RSL24D1: variants seen among roughly 807,000 people sequenced by gnomAD.
RSL24D1 encodes ribosomal L24 domain containing 1, also known as probable ribosome biogenesis protein RLP24.
RSL24D1 carries 6 observed loss-of-function variants against 26.2 expected under a neutral mutation model. That is an observed-to-expected ratio of 0.23 (90% CI 0.13 to 0.45). The LOEUF (loss-of-function observed/expected upper bound fraction) is 0.45, where lower values mean the gene tolerates loss of function less well. RSL24D1 is among the 20% of genes least tolerant of loss of function. The probability of loss-of-function intolerance (pLI) is 0.99; values close to 1 mark genes in which losing one functional copy is unlikely to be tolerated. For synonymous variants in RSL24D1, 61 were observed against 59.1 expected (o/e 1.03, Z -0.15); for missense variants, 176 against 202.6 (o/e 0.87, Z 0.80).
At chr15:55,183,231 A>C in intron 5 of RSL24D1, 84 bp downstream of exon 5, 2 of 904,218 alleles carry the variant, frequency 2.2e-6, no homozygotes, top group Non-Finnish European at 3.4e-6. Flanking sequence ...ATGAAAGATA[A>C]TATTTATAGG....
At chr15:55,196,453 A>G in intron 1 of RSL24D1, 1 of 509,804 alleles carries the variant, frequency 2.0e-6, no homozygotes, top group Non-Finnish European at 3.8e-6. Context: ...CTGACAGGGT[A>G]TACACTCAAC....
rs1282508051 is a variant in RSL24D1, at chr15:55,192,803, TA to T, written c.111del (p.His37GlnfsTer57). On this transcript the variant is annotated frameshift_variant, in exon 2 of 6. Transcript: ENST00000260443. LOFTEE classifies it high-confidence loss of function. Reference sequence around the variant, plus strand: ...GGATTGCGCTTCTTTTTAAAGTTTTTATGACATTTAGATTTGCAAAATCTGA... The same window carrying T: ...GGATTGCGCTTCTTTTTAAAGTTTTTTGACATTTAGATTTGCAAAATCTGA... ...KVFRFCKSKC[H>X]KNFKKKRNPR... 2 of 1,613,812 alleles carry T rather than the reference TA, an allele frequency of 1.2e-6. No individual in the cohort carries two copies. Among genetic ancestry groups the T allele is most frequent in the Non-Finnish European group, 1.7e-6 (2 of 1,179,798 alleles).
At position 55,196,926 on chromosome 15, in the gene RSL24D1, A is replaced by C. The variant is rs1450821415; in HGVS notation, c.-36T>G. On this transcript the variant is annotated 5_prime_UTR_variant, in exon 1 of 6. Transcript: ENST00000260443. ...CGTGTAACCCCACCAAACAAACGCCAAGCTTGAGAGGAAGTGATGCAACCC... is the reference window on the plus strand; with the variant it reads ...CGTGTAACCCCACCAAACAAACGCCCAGCTTGAGAGGAAGTGATGCAACCC... The C allele has an allele frequency of 6.2e-7, 1 of 1,603,952 alleles. No homozygotes were observed. The highest frequency in any genetic ancestry group is 8.5e-7 in the Non-Finnish European group (1 of 1,171,122).
At chr15:55,194,248 T>C (rs927785210) in intron 1 of RSL24D1, 3 of 152,334 alleles carry the variant, frequency 2.0e-5, no homozygotes, top group African/African-American at 7.2e-5. Flanking sequence ...GTGCCTGATG[T>C]TGTACTAGTG....
chr15:55,182,820 A>G (rs1894183270), intron 5 of RSL24D1, among the ~76,000 whole-genome samples: 1 of 152,216 alleles, frequency 6.6e-6, no homozygotes, highest in Non-Finnish European at 1.5e-5. Flanking sequence ...AGTGATCTAC[A>G]TAAGTAAATT....
chr15:55,183,630 C>T (rs1226406394), intron 4 of RSL24D1, among the ~76,000 whole-genome samples: 1 of 152,170 alleles, frequency 6.6e-6, no homozygotes, highest in Non-Finnish European at 1.5e-5. Context: ...TCTCACATTA[C>T]TCCCAAATGG....
chr15:55,188,476 C>T (rs879786290), intron 3 of RSL24D1, among the ~76,000 whole-genome samples: 4 of 152,174 alleles, frequency 2.6e-5, no homozygotes, highest in African/African-American at 9.7e-5. Context: ...GAATGAGACT[C>T]TGTAATAAAA....
At chr15:55,189,325 T>C (rs1595652670) in intron 3 of RSL24D1, among the ~76,000 whole-genome samples, 1 of 152,300 alleles carries the variant, frequency 6.6e-6, no homozygotes, top group African/African-American at 2.4e-5. Context: ...ATAAGTGTTA[T>C]TTCCTTACCA....
rs1405220959 is a variant in RSL24D1, at chr15:55,192,721, A to T, written c.194T>A (p.Val65Glu). 2 of 1,603,442 alleles carry T rather than the reference A, an allele frequency of 1.2e-6. No homozygotes were observed. The highest frequency in any genetic ancestry group is 2.7e-5 in the African/African-American group (2 of 74,722). Residue 65 changes from valine (V) to glutamate (E), a missense_variant and splice_region_variant, in exon 2 of 6, where the codon GTG becomes GAG. Val to Glu is a moderately radical substitution (Grantham distance 121, BLOSUM62 -2). Around this residue, in one of 3 missense-constraint regions of RSL24D1, gnomAD observed 89 missense variants for 135.1 expected, o/e 0.66. Coordinates refer to ENST00000260443, the MANE Select transcript of RSL24D1 (RefSeq NM_016304.3). ...FRKAAGKELT[V>E]DNSFEFEKRR... ...ATATTGATAGCTAACCGTACTCACC[A>T]CTGTAAGCTCTTTACCAGCTGCTTT...
chr15:55,196,594 G>C, intron 1 of RSL24D1: 1 of 597,940 alleles, frequency 1.7e-6, no homozygotes, highest in Non-Finnish European at 3.0e-6. Context: ...GCCACCCAAG[G>C]GTGGCGTGGT....
At chr15:55,183,799 C>T (rs1365810807) in intron 4 of RSL24D1, among the ~76,000 whole-genome samples, 1 of 152,138 alleles carries the variant, frequency 6.6e-6, no homozygotes, top group Non-Finnish European at 1.5e-5. Flanking sequence ...AATAGGATTC[C>T]TACCCTACCA....
intron 3 of RSL24D1, among the ~76,000 whole-genome samples, chr15:55,187,572 GA>G (rs1894237074): frequency 6.6e-6 from 1 of 152,140 alleles, no homozygotes. Context: ...CCAAAAAAAG[GA>G]ATGAAATAAT....
At position 55,182,203 on chromosome 15, in the gene RSL24D1, C is replaced by G; in HGVS notation, c.441G>C (p.Glu147Asp). 1 of 1,606,652 alleles carries G rather than the reference C, an allele frequency of 6.2e-7. No homozygotes were observed. The highest frequency in any genetic ancestry group is 1.7e-4 in the Middle Eastern group (1 of 6,032). The stretch of plus-strand genomic sequence containing the variant: ...CCTCTTGTAACTGCTGTACCATTTT[C>G]TCTTCCAACTGTTTCCCTTTGCCTT... The part of the protein sequence containing the change: ...PLAGKGKQLE[E>D]KMVQQLQEDV... Residue 147 changes from glutamate to aspartate, a missense_variant, in exon 6 of 6, where the codon GAG becomes GAC. Glu to Asp is a conservative substitution (Grantham distance 45). Around this residue, in one of 3 missense-constraint regions of RSL24D1, gnomAD observed 43 missense variants for 38.7 expected, o/e 1.11. Coordinates refer to ENST00000260443, the MANE Select transcript of RSL24D1 (RefSeq NM_016304.3).
chr15:55,196,263 C>T lies in RSL24D1; in HGVS notation c.81+547G>A, dbSNP rs577099213. 1.6e-3 allele frequency: 720 copies of T among 449,948 alleles called. 15 individuals carry two copies. Among genetic ancestry groups the T allele is most frequent in the South Asian group, 0.01 (647 of 63,826 alleles). The allele number at this position is 449,948 out of a possible 1,614,324, so 27.9% of individuals were successfully genotyped here. On this transcript the variant is annotated intron_variant, in intron 1 of 5. Coordinates refer to ENST00000260443, the MANE Select transcript of RSL24D1 (RefSeq NM_016304.3). ...GTTCACTTTCCTTCCACTTAGAAGGCCCCCTCCGCTTTCTTCCGCAAAATT... is the reference window on the plus strand; with the variant it reads ...GTTCACTTTCCTTCCACTTAGAAGGTCCCCTCCGCTTTCTTCCGCAAAATT...
intron 1 of RSL24D1, chr15:55,194,006 CCA>C (rs1894327686): frequency 6.6e-6 from 1 of 152,006 alleles, no homozygotes; most frequent in Admixed American, 6.5e-5. Context: ...CAAAAGCCTC[CCA>C]CATTTAATAT....
Position 55,184,972 on chromosome 15 carries a change from G to A in RSL24D1, c.332+390C>T, listed in dbSNP as rs147505523. Among the ~76,000 whole-genome samples the A allele has an allele frequency of 6.9e-4, 105 of 152,320 alleles. 2 individuals carry two copies. The East Asian group carries it at 0.017, about 25-fold the overall frequency. ...AGATTAAAGGAGCCTGAAGAAATAT[G>A]AAGGACTTTGTGTTGCTATGGACGT... is the stretch of plus-strand genomic sequence containing the variant. On this transcript the variant is annotated intron_variant, in intron 4 of 5. Transcript: ENST00000260443.
rs1894177548 is a variant in RSL24D1, at chr15:55,182,347, T to G, written c.419-122A>C. The G allele has an allele frequency of 4.0e-5, 26 of 645,162 alleles. No homozygotes were observed. The South Asian group carries it at 4.7e-4, about 12-fold the overall frequency. The allele number at this position is 645,162 out of a possible 1,614,324, so 40.0% of individuals were successfully genotyped here. The stretch of plus-strand genomic sequence containing the variant: ...TAATATTAGCCACTCCTAAGAAATT[T>G]AATAGTAGCTAAACTAACATAGGTC... On this transcript the variant is annotated intron_variant, in intron 5 of 5. Coordinates refer to ENST00000260443, the MANE Select transcript of RSL24D1 (RefSeq NM_016304.3).
chr15:55,190,995 C>A lies in RSL24D1; in HGVS notation c.248G>T (p.Arg83Leu). 17 of 1,603,902 alleles carry A rather than the reference C, an allele frequency of 1.1e-5. No homozygotes were observed. Among genetic ancestry groups the A allele is most frequent in the South Asian group, 2.2e-5 (2 of 89,448 alleles). Residue 83 changes from arginine (R) to leucine (L), a missense_variant, in exon 3 of 6, where the codon CGA (arginine) becomes CTA (leucine). Coordinates refer to ENST00000260443, the MANE Select transcript of RSL24D1 (RefSeq NM_016304.3). ...CTTACTAGTTTTATTCCATAGCTCT[C>A]GCTGGTATTTGATAGGTTCATTTCT... ...KRRNEPIKYQ[R>L]ELWNKTIDAM...
At position 55,185,387 on chromosome 15, in the gene RSL24D1, G is replaced by T; in HGVS notation, c.307C>A (p.Arg103Ser). 6.2e-7 allele frequency: 1 copy of T among 1,607,328 alleles called. No homozygotes were observed. The highest frequency in any genetic ancestry group is 8.5e-7 in the Non-Finnish European group (1 of 1,177,644). ...MKRVEEIKQKRQAKFIMNRLK... is the reference protein window; with the variant it reads ...MKRVEEIKQKSQAKFIMNRLK... Reference sequence around the variant, plus strand: ...CTGTTCATTATAAATTTAGCTTGGCGCTTCTGTTTGATTTCTTCAACTCTC... The same window carrying T: ...CTGTTCATTATAAATTTAGCTTGGCTCTTCTGTTTGATTTCTTCAACTCTC... The change falls in exon 4 of 6, where the codon CGC becomes AGC. Residue 103 changes from arginine to serine, a missense_variant. Physicochemically the swap from Arg to Ser is moderately radical, Grantham distance 110. Transcript: ENST00000260443.
Sources: allele counts gnomAD v4.1 joint callset (sites outside exome capture counted in the v4.1 genomes callset), GRCh38; gene constraint gnomAD v4.1.1; regional missense constraint gnomAD v4.1.1; transcripts MANE v1.5; gene names NCBI Gene and HGNC (gene_info 2026-07-23, HGNC 2026-07-21).